Variants in KLHL10 observed in about 807,000 individuals in gnomAD.
The protein encoded by KLHL10 is kelch-like protein 10.
In KLHL10, 11 loss-of-function variants were observed where a neutral mutation model predicts 46.6. That is an observed-to-expected ratio of 0.24 (90% CI 0.15 to 0.39). KLHL10 has a LOEUF of 0.39. Ranked by LOEUF, KLHL10 falls within the 10% of genes least tolerant of loss-of-function variation. The pLI, the probability that KLHL10 is intolerant of heterozygous loss-of-function variation, is 1.00. For missense variants in KLHL10, 475 were observed against 789.8 expected (o/e 0.60, Z 4.78); for synonymous variants, 254 against 279.1 (o/e 0.91, Z 0.90).
In KLHL10 at chr17:41,841,808, C is replaced by G; in HGVS notation, c.195-15C>G. 6.2e-7 allele frequency: 1 copy of G among 1,614,134 alleles called. No homozygotes were observed. On this transcript the variant is annotated splice_polypyrimidine_tract_variant and intron_variant, in intron 1 of 4. Coordinates refer to ENST00000293303, the MANE Select transcript of KLHL10 (RefSeq NM_152467.5). ...GAAATGTTTCCGTGGCTGCTAGTTT[C>G]TTTCTTTTTTCCAGAGCTTTGTTTA...
At chr17:41,838,454 G>A (rs1257451704) in intron 1 of KLHL10, among the ~76,000 whole-genome samples, 1 of 151,878 alleles carries the variant, frequency 6.6e-6, no homozygotes, top group Non-Finnish European at 1.5e-5. Context: ...TAGAGAGGGA[G>A]TCTCGCTATG....
chr17:41,845,092 G>A lies in KLHL10; in HGVS notation c.685-34G>A, dbSNP rs782008086. 1.3e-5 allele frequency: 21 copies of A among 1,613,926 alleles called. No individual in the cohort carries two copies. The South Asian group carries it at 1.4e-4, about 11-fold the overall frequency. ...ATGTGGGATTTCCTGGCACTCTCACGTCACCTGAATGACTTTCTGCGTTTG... is the reference window on the plus strand; with the variant it reads ...ATGTGGGATTTCCTGGCACTCTCACATCACCTGAATGACTTTCTGCGTTTG... On this transcript the variant is annotated intron_variant, in intron 2 of 4. Transcript: ENST00000293303.
rs184791955 is a variant in KLHL10 at position 41,842,388 on chromosome 17, A to G, written c.684+76A>G. On this transcript the variant is annotated intron_variant, in intron 2 of 4. Transcript: ENST00000293303. Reference sequence around the variant, plus strand: ...AAAATTCAGACATATGACAGATCCCAAGGCTGTATTTACATGTCCTTAGAT... The same window carrying G: ...AAAATTCAGACATATGACAGATCCCGAGGCTGTATTTACATGTCCTTAGAT... 4.1e-4 allele frequency: 652 copies of G among 1,573,730 alleles called. 5 individuals are homozygous for G. In the African/African-American group the frequency reaches 7.0e-3, roughly 17 times the overall value.
At chr17:41,844,226 ATTTT>A (rs35887307) in intron 2 of KLHL10, among the ~76,000 whole-genome samples, 1 of 142,510 alleles carries the variant, frequency 7.0e-6, no homozygotes, top group Non-Finnish European at 1.5e-5. Context: ...TGCCTGGCTA[ATTTT>A]TTTTTTTTCT....
upstream of KLHL10, among the ~76,000 whole-genome samples, chr17:41,837,267 C>T (rs782583714): frequency 2.0e-5 from 3 of 152,192 alleles, 1 homozygote; most frequent in African/African-American, 4.8e-5. Context: ...TGGGTTGAAG[C>T]GATTCTCCTG....
upstream of KLHL10, chr17:41,837,603 C>A: frequency 8.9e-7 from 1 of 1,124,518 alleles, no homozygotes. Context: ...GTAACAGGAG[C>A]TGGAATCAAT....
chr17:41,838,645 T>TTTC (rs34971202), intron 1 of KLHL10, among the ~76,000 whole-genome samples: 1 of 79,910 alleles, frequency 1.3e-5, no homozygotes, highest in East Asian at 4.2e-4. Context: ...TTTTTTTTTT[T>TTTC]GTTTGTTTTG....
In KLHL10 at chr17:41,837,952, C is replaced by T. The variant is rs782546231; in HGVS notation, c.20C>T (p.Ala7Val). 17 of 1,613,836 alleles carry T rather than the reference C, an allele frequency of 1.1e-5. No homozygotes were observed. The highest frequency in any genetic ancestry group is 2.7e-5 in the African/African-American group (2 of 74,902). MEMESA[A>V]ASTRFHQPHM... is the part of the protein sequence containing the mutation. ...GGTGCCATGGAGATGGAGAGCGCGG[C>T]GGCCTCCACACGTTTCCACCAGCCT... is the stretch of plus-strand genomic sequence containing the variant. The change falls in exon 1 of 5, where the codon GCG (alanine) becomes GTG (valine). Residue 7 changes from alanine (A) to valine (V), a missense_variant. Ala to Val is a moderately conservative substitution (Grantham distance 64). Transcript: ENST00000293303.
At chr17:41,845,797 A>C (rs782346352) in intron 3 of KLHL10, 54 bp downstream of exon 3, 1 of 1,609,108 alleles carries the variant, frequency 6.2e-7, no homozygotes, top group Non-Finnish European at 8.5e-7. Context: ...AAGACCAGAA[A>C]TGATACTGCT....
chr17:41,848,231 G>C lies in KLHL10; in HGVS notation c.1751G>C (p.Arg584Thr). 6.2e-7 allele frequency: 1 copy of C among 1,614,056 alleles called. No homozygotes were observed. Among genetic ancestry groups the C allele is most frequent in the Non-Finnish European group, 8.5e-7 (1 of 1,179,966 alleles). Residue 584 changes from arginine to threonine, a missense_variant, in exon 5 of 5, where the codon AGA becomes ACA. Coordinates refer to ENST00000293303, the MANE Select transcript of KLHL10 (RefSeq NM_152467.5). ...GLANVEEYAA[R>T]RDNFPGLALR... ...GCCAATGTTGAGGAATATGCAGCTA[G>C]ACGGGACAACTTCCCAGGATTAGCA...
chr17:41,838,037 G>A lies in KLHL10; in HGVS notation c.105G>A (p.Glu35=), dbSNP rs1235982221. Residue 35 remains glutamate (E), a synonymous_variant, in exon 1 of 5, where the codon GAG becomes GAA. Coordinates refer to ENST00000293303, the MANE Select transcript of KLHL10 (RefSeq NM_152467.5). The stretch of plus-strand genomic sequence containing the variant: ...AGATCTTCAACGAGCTTAGACTAGA[G>A]GGCAAGCTCTGCGACGTGGTCATCA... ...ACEIFNELRL[E]GKLCDVVIKV... 6.2e-7 allele frequency: 1 copy of A among 1,613,986 alleles called. No homozygotes were observed. Among genetic ancestry groups the A allele is most frequent in the African/African-American group, 1.3e-5 (1 of 74,876 alleles).
upstream of KLHL10, chr17:41,836,371 T>G (rs35051135): frequency 0.75 from 917,807 of 1,223,558 alleles, 345,021 homozygotes; most frequent in East Asian, 0.85. Context: ...GGCTTGCCGG[T>G]TGCGCTAGGC....
chr17:41,837,329 T>G (rs1257673383), upstream of KLHL10, among the ~76,000 whole-genome samples: 1 of 152,214 alleles, frequency 6.6e-6, no homozygotes, highest in Non-Finnish European at 1.5e-5. Context: ...CACGCCCAGC[T>G]AATTTTTGTA....
intron 1 of KLHL10, 83 bp downstream of exon 1, chr17:41,838,209 C>A: frequency 8.2e-7 from 1 of 1,224,570 alleles, no homozygotes; most frequent in Non-Finnish European, 1.2e-6. Flanking sequence ...TTTCCCACCC[C>A]ATCACCTTAA....
At chr17:41,844,663 C>T (rs1282586395) in intron 2 of KLHL10, among the ~76,000 whole-genome samples, 2 of 151,370 alleles carry the variant, frequency 1.3e-5, no homozygotes, top group Non-Finnish European at 2.9e-5. Flanking sequence ...ATTCTCTTGC[C>T]TCAGCTTCCT....
chr17:41,841,386 C>T (rs2048224764), intron 1 of KLHL10, among the ~76,000 whole-genome samples: 1 of 152,148 alleles, frequency 6.6e-6, no homozygotes, highest in South Asian at 2.1e-4. Flanking sequence ...ATGATCTTGG[C>T]TCACTGCAAC....
chr17:41,836,891 C>CT (rs1421935820), upstream of KLHL10, among the ~76,000 whole-genome samples: 1 of 152,226 alleles, frequency 6.6e-6, no homozygotes, highest in Non-Finnish European at 1.5e-5. Context: ...AAACTGAATT[C>CT]TGTTAATCAC....
At chr17:41,836,265 C>T (rs890218474), upstream of KLHL10, 6 of 1,162,938 alleles carry the variant, frequency 5.2e-6, no homozygotes, top group Admixed American at 2.6e-4. Context: ...GGCGTCGCCT[C>T]CCGCCTGGAG....
At chr17:41,844,540 GTATTTTTTT>G (rs1567869320) in intron 2 of KLHL10, among the ~76,000 whole-genome samples, 1 of 68,622 alleles carries the variant, frequency 1.5e-5, no homozygotes, top group Non-Finnish European at 2.6e-5. Flanking sequence ...CCTGGTTTTT[GTATTTTTTT>G]TTTTTTTTTT....
Sources: gnomAD v4.1 joint callset for allele counts (sites outside exome capture counted in the v4.1 genomes callset) on GRCh38, gnomAD v4.1.1 for gene constraint, MANE v1.5 for transcripts, NCBI Gene and HGNC (gene_info 2026-07-23, HGNC 2026-07-21) for gene names.